KLHDC1: variants seen among roughly 807,000 people sequenced by gnomAD.
KLHDC1 encodes the protein kelch domain-containing protein 1.
In KLHDC1, 53 loss-of-function variants were observed where a neutral mutation model predicts 68.3. The ratio of observed to expected loss-of-function variants is 0.78; its 90% CI spans 0.62 to 0.98. The LOEUF (loss-of-function observed/expected upper bound fraction) is 0.98, where lower values mean the gene tolerates loss of function less well. KLHDC1 is among the 50% of genes least tolerant of loss of function. KLHDC1 has a pLI of 0.00. For synonymous variants in KLHDC1, 148 were observed against 159.0 expected, an observed-to-expected ratio of 0.93 and a Z score of 0.52; for missense variants, 470 against 492.3, an observed-to-expected ratio of 0.95 and a Z score of 0.43.
At position 49,747,326 on chromosome 14, in the gene KLHDC1, T is replaced by G. The variant is rs539932390; in HGVS notation, c.1034+3521T>G. 5.3e-5 allele frequency among the ~76,000 whole-genome samples: 8 copies of G among 152,274 alleles called. No homozygotes were observed. The South Asian group carries it at 1.7e-3, about 32-fold the overall frequency. On this transcript the variant is annotated intron_variant, in intron 12 of 12. Transcript: ENST00000359332. ...AATTTTAATCCCCTTCTCCACCATT[T>G]CTCTGTTAGTGAAGGGTGACTTCTG...
chr14:49,694,898 T>C (rs762081874), intron 1 of KLHDC1, among the ~76,000 whole-genome samples: 28 of 152,158 alleles, frequency 1.8e-4, no homozygotes, highest in Non-Finnish European at 3.7e-4. Flanking sequence ...TTCAAAATTA[T>C]TGCTAAAAAA....
intron 6 of KLHDC1, among the ~76,000 whole-genome samples, chr14:49,727,960 A>T (rs1888712860): frequency 6.6e-6 from 1 of 152,368 alleles, no homozygotes; most frequent in African/African-American, 2.4e-5. Flanking sequence ...TATGGAAATT[A>T]TGCAGAAGAT....
chr14:49,739,628 A>G (rs1350489039), intron 10 of KLHDC1, among the ~76,000 whole-genome samples: 2 of 152,220 alleles, frequency 1.3e-5, no homozygotes, highest in African/African-American at 2.4e-5. Context: ...GATAGTAATA[A>G]GAAAACTGGG....
intron 8 of KLHDC1, among the ~76,000 whole-genome samples, chr14:49,731,331 G>A (rs903874941): frequency 6.6e-6 from 1 of 152,034 alleles, no homozygotes; most frequent in Admixed American, 6.6e-5. Context: ...AAATATTTCC[G>A]TTTTGTAAAA....
chr14:49,727,179 C>T (rs1343507081), intron 6 of KLHDC1, among the ~76,000 whole-genome samples: 2 of 151,758 alleles, frequency 1.3e-5, no homozygotes, highest in East Asian at 1.9e-4. Flanking sequence ...ACCTGGGAGG[C>T]GGAGGTTGCA....
intron 11 of KLHDC1, among the ~76,000 whole-genome samples, chr14:49,743,414 A>G: frequency 6.6e-6 from 1 of 151,346 alleles, no homozygotes; most frequent in Non-Finnish European, 1.5e-5. Context: ...AAAAAAAAAA[A>G]AAGAAAAGAA....
intron 1 of KLHDC1, among the ~76,000 whole-genome samples, chr14:49,695,115 G>GTGTGTGTGT (rs753979963): frequency 4.4e-5 from 1 of 22,926 alleles, no homozygotes; most frequent in Non-Finnish European, 1.1e-4. Context: ...ATGCAGTTTT[G>GTGTGTGTGT]ATGTGTGTGT....
intron 8 of KLHDC1, among the ~76,000 whole-genome samples, chr14:49,731,422 TA>T (rs1888806031): frequency 6.6e-6 from 1 of 152,222 alleles, no homozygotes; most frequent in African/African-American, 2.4e-5. Flanking sequence ...TCTCACCTCC[TA>T]AATTAAATTC....
intron 4 of KLHDC1, among the ~76,000 whole-genome samples, chr14:49,711,468 G>T (rs1888198468): frequency 6.6e-6 from 1 of 152,144 alleles, no homozygotes; most frequent in Non-Finnish European, 1.5e-5. Context: ...CTCCCAAAGT[G>T]CTGGGATTAC....
At chr14:49,701,215 G>A (rs1479960728) in intron 1 of KLHDC1, among the ~76,000 whole-genome samples, 1 of 152,128 alleles carries the variant, frequency 6.6e-6, no homozygotes, top group Admixed American at 6.5e-5. Context: ...AATGATCCTA[G>A]GATAGCTAGA....
intron 10 of KLHDC1, among the ~76,000 whole-genome samples, chr14:49,738,637 C>T (rs1240079285): frequency 2.6e-5 from 4 of 152,126 alleles, no homozygotes; most frequent in East Asian, 1.9e-4. Context: ...CTTGAGCCAC[C>T]GTGCCCAGCC....
At chr14:49,700,484 TG>T (rs1255887299) in intron 1 of KLHDC1, among the ~76,000 whole-genome samples, 1 of 152,116 alleles carries the variant, frequency 6.6e-6, no homozygotes. Flanking sequence ...CTTGGGAGAC[TG>T]AGGTGGGAGG....
At chr14:49,703,034 T>A (rs1490568843) in intron 1 of KLHDC1, among the ~76,000 whole-genome samples, 2 of 152,124 alleles carry the variant, frequency 1.3e-5, no homozygotes. Flanking sequence ...TACTTAATAT[T>A]CGTTTCTTAA....
intron 10 of KLHDC1, among the ~76,000 whole-genome samples, chr14:49,736,965 T>A (rs1356075946): frequency 6.6e-6 from 1 of 152,242 alleles, no homozygotes; most frequent in African/African-American, 2.4e-5. Context: ...GCCATATATG[T>A]AGCCAGATCT....
In KLHDC1 at chr14:49,718,776, T is replaced by C. The variant is rs1415573978; in HGVS notation, c.405-5098T>C. ...TTTTTCTTTTCTTTCTTTCTTTTTT[T>C]TTTTTTTTTTTTTTTTTTGAGTCGT... On this transcript the variant is annotated intron_variant, in intron 4 of 12. Transcript: ENST00000359332. Among the ~76,000 whole-genome samples, 160 of 131,238 alleles carry C rather than the reference T, an allele frequency of 1.2e-3. 1 individual carries two copies. Among genetic ancestry groups the C allele is most frequent in the Non-Finnish European group, 2.1e-3 (130 of 61,676 alleles). 86.1% of individuals were successfully genotyped at this position (131,238 alleles called of 152,430 possible).
At chr14:49,723,121 A>G (rs1451060391) in intron 4 of KLHDC1, among the ~76,000 whole-genome samples, 2 of 149,118 alleles carry the variant, frequency 1.3e-5, no homozygotes, top group Admixed American at 6.7e-5. Flanking sequence ...AAAAGAAGAG[A>G]AAACCATGAG....
intron 10 of KLHDC1, among the ~76,000 whole-genome samples, chr14:49,735,855 GT>G (rs905632768): frequency 6.7e-6 from 1 of 150,348 alleles, no homozygotes; most frequent in Non-Finnish European, 1.5e-5. Context: ...TACAGTTTTG[GT>G]TTTTTTTTAA....
intron 10 of KLHDC1, among the ~76,000 whole-genome samples, chr14:49,735,412 A>C (rs1888907841): frequency 6.6e-6 from 1 of 152,002 alleles, no homozygotes; most frequent in African/African-American, 2.4e-5. Context: ...CAATTTAATG[A>C]TATATATTTT....
intron 8 of KLHDC1, among the ~76,000 whole-genome samples, chr14:49,730,561 A>T (rs1461204471): frequency 1.3e-5 from 2 of 152,288 alleles, no homozygotes; most frequent in Admixed American, 6.5e-5. Flanking sequence ...CAGGGCAAAG[A>T]TCCACAAGAA....
Sources: allele counts gnomAD v4.1 joint callset (sites outside exome capture counted in the v4.1 genomes callset), GRCh38; gene constraint gnomAD v4.1.1; transcripts MANE v1.5; gene names NCBI Gene and HGNC (gene_info 2026-07-23, HGNC 2026-07-21).